ADGRL4: variants seen among roughly 807,000 people sequenced by gnomAD.
ADGRL4 encodes adhesion G protein-coupled receptor L4.
In ADGRL4, 90 loss-of-function variants were observed where a neutral mutation model predicts 74.8. The observed-to-expected ratio is 1.20, with a 90% CI of 1.02 to 1.43. ADGRL4 has a LOEUF of 1.43. ADGRL4 is among the 40% of genes most tolerant of loss of function. The probability of loss-of-function intolerance (pLI) is 0.00; values close to 1 mark genes in which losing one functional copy is unlikely to be tolerated. For synonymous variants in ADGRL4, 311 were observed against 279.2 expected (o/e 1.11, Z -1.14); for missense variants, 881 against 814.3 (o/e 1.08, Z -1.00).
chr1:78,975,045 AACAG>A (rs1439398374), intron 2 of ADGRL4, among the ~76,000 whole-genome samples: 1 of 152,158 alleles, frequency 6.6e-6, no homozygotes, highest in South Asian at 2.1e-4. Context: ...AAAACCAACA[AACAG>A]ACTGTAGTGG....
intron 3 of ADGRL4, among the ~76,000 whole-genome samples, chr1:78,940,932 A>C (rs1649462834): frequency 6.6e-6 from 1 of 152,194 alleles, no homozygotes; most frequent in South Asian, 2.1e-4. Context: ...CATTCACTAG[A>C]AAGGTGATGG....
intron 2 of ADGRL4, among the ~76,000 whole-genome samples, chr1:78,997,947 A>G (rs568972725): frequency 6.6e-6 from 1 of 152,278 alleles, no homozygotes; most frequent in Non-Finnish European, 1.5e-5. Context: ...CAGTCTCAAG[A>G]GTTGCTTCCA....
chr1:78,961,723 T>G (rs1557513805), intron 2 of ADGRL4, among the ~76,000 whole-genome samples: 1 of 152,108 alleles, frequency 6.6e-6, no homozygotes, highest in Admixed American at 6.6e-5. Context: ...CACCATTGTA[T>G]GACTTAGAAA....
chr1:78,965,691 A>G (rs1486129347), intron 2 of ADGRL4, among the ~76,000 whole-genome samples: 1 of 152,182 alleles, frequency 6.6e-6, no homozygotes, highest in Non-Finnish European at 1.5e-5. Context: ...TGATTCAGCA[A>G]CTATTATGTT....
At chr1:78,996,489 G>T (rs367616349) in intron 2 of ADGRL4, among the ~76,000 whole-genome samples, 3 of 152,286 alleles carry the variant, frequency 2.0e-5, no homozygotes, top group Admixed American at 6.5e-5. Context: ...AGAAGTGAAG[G>T]CACAGGCACA....
intron 2 of ADGRL4, among the ~76,000 whole-genome samples, chr1:78,972,871 T>C (rs1049142597): frequency 6.6e-6 from 1 of 152,200 alleles, no homozygotes; most frequent in Non-Finnish European, 1.5e-5. Context: ...TATCCCAGTC[T>C]GCACCAAAAG....
At chr1:78,956,810 C>T (rs967786307) in intron 2 of ADGRL4, among the ~76,000 whole-genome samples, 22 of 152,058 alleles carry the variant, frequency 1.4e-4, no homozygotes, top group African/African-American at 4.8e-4. Context: ...GCATTGTGTC[C>T]TTCAGAAAAC....
intron 6 of ADGRL4, 111 bp from the exon 7 acceptor site, chr1:78,936,522 T>C: frequency 1.0e-6 from 1 of 978,012 alleles, no homozygotes; most frequent in Non-Finnish European, 1.4e-6. Context: ...TTTAAATTAT[T>C]TATAACAAGT....
intron 2 of ADGRL4, among the ~76,000 whole-genome samples, chr1:78,972,793 T>C (rs1343848338): frequency 6.6e-6 from 1 of 152,202 alleles, no homozygotes; most frequent in Admixed American, 6.6e-5. Context: ...ATGGCCAACA[T>C]ACATTTGCAT....
intron 6 of ADGRL4, 72 bp from the exon 7 acceptor site, chr1:78,936,483 A>G: frequency 7.8e-7 from 1 of 1,283,404 alleles, no homozygotes; most frequent in Non-Finnish European, 1.1e-6. Flanking sequence ...ATATTAGCTT[A>G]GAGACAATTT....
intron 2 of ADGRL4, among the ~76,000 whole-genome samples, chr1:78,991,241 A>G (rs1650602673): frequency 1.3e-5 from 2 of 152,066 alleles, no homozygotes; most frequent in Admixed American, 1.3e-4. Flanking sequence ...GATGTTATAT[A>G]CACAAAAGAG....
intron 13 of ADGRL4, 69 bp from the exon 14 acceptor site, chr1:78,891,761 A>C (rs912606745): frequency 7.2e-7 from 1 of 1,391,872 alleles, no homozygotes; most frequent in South Asian, 1.4e-5. Context: ...AAATTACTCA[A>C]ATTATGTGGG....
intron 10 of ADGRL4, among the ~76,000 whole-genome samples, chr1:78,919,441 C>T (rs1648950039): frequency 2.0e-5 from 3 of 151,912 alleles, no homozygotes; most frequent in South Asian, 4.1e-4. Flanking sequence ...AATGATTCCC[C>T]TGACAGGTAA....
chr1:78,946,284 G>A lies in ADGRL4; in HGVS notation c.315C>T (p.Thr105=), dbSNP rs1355553016. Residue 105 remains threonine, a synonymous_variant, in exon 3 of 15, where the codon ACC becomes ACT. Transcript: ENST00000370742. ...GATAACCGAACTTACCTATACAGAC[G>A]GTTCCATCATTAGTGATAAACCTGT... The part of the protein sequence containing the change: ...NQDRFITNDG[T]VCIENVNANC... 9 of 1,610,344 alleles carry A rather than the reference G, an allele frequency of 5.6e-6. No individual in the cohort carries two copies. The highest frequency in any genetic ancestry group is 1.7e-4 in the Middle Eastern group (1 of 6,028).
At chr1:78,997,380 G>T in intron 2 of ADGRL4, among the ~76,000 whole-genome samples, 1 of 152,136 alleles carries the variant, frequency 6.6e-6, no homozygotes, top group Non-Finnish European at 1.5e-5. Flanking sequence ...CAATCTTATG[G>T]TGGTTTTTAG....
chr1:78,960,431 G>A (rs1450855373), intron 2 of ADGRL4, among the ~76,000 whole-genome samples: 2 of 151,888 alleles, frequency 1.3e-5, no homozygotes, highest in Non-Finnish European at 2.9e-5. Context: ...CTGATTCGTG[G>A]ATCTTGAAAC....
chr1:78,919,809 A>T (rs1356261541), intron 10 of ADGRL4, among the ~76,000 whole-genome samples: 1 of 151,896 alleles, frequency 6.6e-6, no homozygotes, highest in Non-Finnish European at 1.5e-5. Flanking sequence ...CAACCTACAA[A>T]CTGTGACTGC....
At chr1:78,947,236 A>G (rs1470110134) in intron 2 of ADGRL4, among the ~76,000 whole-genome samples, 2 of 152,160 alleles carry the variant, frequency 1.3e-5, no homozygotes, top group African/African-American at 4.8e-5. Flanking sequence ...TGAATGTGAC[A>G]TTGTTTGAAA....
chr1:78,937,048 A>G (rs1045821090), intron 6 of ADGRL4, among the ~76,000 whole-genome samples: 7 of 152,226 alleles, frequency 4.6e-5, no homozygotes, highest in Non-Finnish European at 1.0e-4. Context: ...AAGATTCTGA[A>G]TATTTTAAGT....
Sources: allele counts gnomAD v4.1 joint callset (sites outside exome capture counted in the v4.1 genomes callset), GRCh38; gene constraint gnomAD v4.1.1; transcripts MANE v1.5; gene names NCBI Gene and HGNC (gene_info 2026-07-23, HGNC 2026-07-21).